Variants in SCN11A observed in about 807,000 individuals in gnomAD.
The protein encoded by SCN11A is sodium voltage-gated channel alpha subunit 11.
A neutral mutation model predicts 162.2 loss-of-function variants in SCN11A; 122 were observed. The observed-to-expected ratio is 0.75, with a 90% CI of 0.65 to 0.87. The LOEUF (loss-of-function observed/expected upper bound fraction) is 0.87. SCN11A is among the 40% of genes least tolerant of loss of function. SCN11A has a pLI of 0.00. For missense variants in SCN11A, 2,015 were observed against 2,181.6 expected (o/e 0.92, Z 1.52); for synonymous variants, 758 against 751.5 (o/e 1.01, Z -0.14).
chr3:38,986,115 T>C (rs1440066194), intron 2 of SCN11A, among the ~76,000 whole-genome samples: 1 of 150,910 alleles, frequency 6.6e-6, no homozygotes, highest in Non-Finnish European at 1.5e-5. Context: ...ATTTGCACAA[T>C]ATCCTGTTAG....
At chr3:38,918,921 G>A (rs1219268156) in intron 11 of SCN11A, among the ~76,000 whole-genome samples, 7 of 152,234 alleles carry the variant, frequency 4.6e-5, no homozygotes, top group African/African-American at 1.4e-4. Context: ...CAATTTTGTT[G>A]TATAAACATC....
intron 2 of SCN11A, among the ~76,000 whole-genome samples, chr3:38,967,551 T>G (rs1315258715): frequency 1.3e-5 from 2 of 152,210 alleles, no homozygotes; most frequent in African/African-American, 4.8e-5. Context: ...CTATGCTTGT[T>G]TGTGGGCTGA....
At chr3:38,971,002 C>T (rs2066813047) in intron 2 of SCN11A, among the ~76,000 whole-genome samples, 1 of 152,140 alleles carries the variant, frequency 6.6e-6, no homozygotes, top group African/African-American at 2.4e-5. Flanking sequence ...GTGGAGGGTC[C>T]AGGGTCTCAC....
intron 28 of SCN11A, among the ~76,000 whole-genome samples, chr3:38,859,989 G>C (rs1477938586): frequency 6.6e-6 from 1 of 152,114 alleles, no homozygotes; most frequent in Non-Finnish European, 1.5e-5. Context: ...CAGTGCTTGA[G>C]ATATTTTGCA....
chr3:39,001,801 A>C (rs912429010), intron 2 of SCN11A, among the ~76,000 whole-genome samples: 3 of 152,212 alleles, frequency 2.0e-5, no homozygotes, highest in Non-Finnish European at 4.4e-5. Context: ...TTGGGAGGCC[A>C]AGGTGGGCGG....
intron 27 of SCN11A, among the ~76,000 whole-genome samples, chr3:38,866,863 G>A (rs746540986): frequency 6.6e-6 from 1 of 152,174 alleles, no homozygotes; most frequent in African/African-American, 2.4e-5. Context: ...TCTTCTTTCC[G>A]AGTAGGGTGG....
intron 2 of SCN11A, among the ~76,000 whole-genome samples, chr3:39,015,365 T>C (rs989611326): frequency 6.6e-6 from 1 of 152,068 alleles, no homozygotes; most frequent in Non-Finnish European, 1.5e-5. Context: ...TATTCTGTTA[T>C]AGGAGCACAA....
At chr3:39,023,286 A>G (rs952608106) in intron 2 of SCN11A, among the ~76,000 whole-genome samples, 2 of 152,224 alleles carry the variant, frequency 1.3e-5, no homozygotes, top group Admixed American at 6.5e-5. Context: ...TGAAGTTTCC[A>G]TAATAAAAAA....
intron 7 of SCN11A, 108 bp downstream of exon 7, chr3:38,945,303 G>T (rs1051109639): frequency 1.5e-6 from 1 of 686,082 alleles, no homozygotes; most frequent in Non-Finnish European, 2.5e-6. Context: ...GCCAACATAT[G>T]TGTTAGAATT....
intron 2 of SCN11A, among the ~76,000 whole-genome samples, chr3:38,979,839 A>C (rs1427819526): frequency 1.3e-5 from 2 of 152,180 alleles, no homozygotes; most frequent in African/African-American, 4.8e-5. Context: ...CTTAGCTGAA[A>C]AACTGGGAAG....
chr3:38,871,804 C>G, intron 24 of SCN11A, 96 bp from the exon 25 acceptor site: 1 of 994,928 alleles, frequency 1.0e-6, no homozygotes, highest in South Asian at 1.7e-5. Flanking sequence ...AGGGCTTGAT[C>G]TCTTGGAGCT....
rs1270589135 is a variant in SCN11A at position 38,847,024 on chromosome 3, G to A, written c.5046C>T (p.Cys1682=). Residue 1682 remains cysteine (C), a synonymous_variant, in exon 30 of 30, where the codon TGC becomes TGT. Coordinates refer to ENST00000302328, the MANE Select transcript of SCN11A (RefSeq NM_001349253.2). ...CGGTGAAGGCGAAAAGAATATCCAT[G>A]CAGTGGAGGCGATCTTCACTCACCA... is the stretch of plus-strand genomic sequence containing the variant. ...LPMVSEDRLH[C]MDILFAFTAR... 1.9e-6 allele frequency: 3 copies of A among 1,614,060 alleles called. No homozygotes were observed. Among genetic ancestry groups the A allele is most frequent in the Middle Eastern group, 1.6e-4 (1 of 6,062 alleles).
chr3:39,041,185 G>A (rs979650494), intron 1 of SCN11A, among the ~76,000 whole-genome samples: 2 of 152,112 alleles, frequency 1.3e-5, no homozygotes, highest in Admixed American at 1.3e-4. Context: ...AAAGAATAAA[G>A]AAAGCCTACA....
At chr3:38,929,361 G>A (rs1320147816) in intron 7 of SCN11A, among the ~76,000 whole-genome samples, 1 of 152,150 alleles carries the variant, frequency 6.6e-6, no homozygotes, top group African/African-American at 2.4e-5. Flanking sequence ...GACAAATACT[G>A]TGTGATCCAC....
intron 26 of SCN11A, among the ~76,000 whole-genome samples, chr3:38,869,108 T>C (rs1439598665): frequency 6.6e-6 from 1 of 152,140 alleles, no homozygotes. Context: ...ACAAGAGTCA[T>C]CAAGCTAGAA....
In SCN11A at chr3:39,003,833, GA is replaced by G. The variant is rs2030887780; in HGVS notation, c.-280+28546del. ...GTTGGCCGCACATATGTCTTCTTTT[GA>G]AAAGTGTCTGTTCATGTCCTTTGCC... On this transcript the variant is annotated intron_variant, in intron 2 of 29. Transcript: ENST00000302328. Among the ~76,000 whole-genome samples the G allele has an allele frequency of 2.6e-5, 4 of 152,064 alleles. No individual in the cohort carries two copies. In the South Asian group the frequency reaches 6.2e-4, roughly 24 times the overall value.
intron 7 of SCN11A, among the ~76,000 whole-genome samples, chr3:38,936,831 A>G (rs1199429285): frequency 6.6e-6 from 1 of 152,202 alleles, no homozygotes; most frequent in Admixed American, 6.5e-5. Context: ...CATCCCCATC[A>G]AGCTACCAAT....
At chr3:38,855,034 G>A (rs1042683720) in intron 28 of SCN11A, among the ~76,000 whole-genome samples, 1 of 152,202 alleles carries the variant, frequency 6.6e-6, no homozygotes, top group South Asian at 2.1e-4. Context: ...CTGCAGATAC[G>A]AGTGCAGGAG....
At chr3:39,016,489 C>T (rs1575360028) in intron 2 of SCN11A, among the ~76,000 whole-genome samples, 1 of 152,238 alleles carries the variant, frequency 6.6e-6, no homozygotes, top group Non-Finnish European at 1.5e-5. Context: ...GCCTGAAAGA[C>T]ATCCTTTAAT....
Sources: gnomAD v4.1 joint callset for allele counts (sites outside exome capture counted in the v4.1 genomes callset) on GRCh38, gnomAD v4.1.1 for gene constraint, MANE v1.5 for transcripts, NCBI Gene and HGNC (gene_info 2026-07-23, HGNC 2026-07-21) for gene names.